The following MROH2A variants were observed in gnomAD, a reference collection of about 807,000 sequenced individuals.
MROH2A encodes maestro heat-like repeat-containing protein family member 2A.
MROH2A carries 174 observed loss-of-function variants against 200.4 expected under a neutral mutation model. The ratio of observed to expected loss-of-function variants is 0.87; its 90% CI spans 0.77 to 0.98. The LOEUF is 0.98. Ranked by LOEUF, MROH2A falls within the 50% of genes least tolerant of loss-of-function variation. The pLI is 0.00. For missense variants in MROH2A, 2,045 were observed against 2,139.6 expected (o/e 0.96, Z 0.87); for synonymous variants, 829 against 840.4 (o/e 0.99, Z 0.23).
intron 24 of MROH2A, among the ~76,000 whole-genome samples, chr2:233,813,336 G>A (rs969638084): frequency 1.3e-5 from 2 of 152,222 alleles, no homozygotes; most frequent in African/African-American, 2.4e-5. Flanking sequence ...CCCTGGACTA[G>A]CACCAGCCAG....
intron 14 of MROH2A, among the ~76,000 whole-genome samples, chr2:233,801,741 G>A (rs1482487963): frequency 2.6e-5 from 4 of 152,184 alleles, no homozygotes; most frequent in African/African-American, 9.7e-5. Context: ...GTGTTTGACT[G>A]AATGACTAGG....
intron 29 of MROH2A, among the ~76,000 whole-genome samples, chr2:233,819,057 G>A (rs1293359771): frequency 6.6e-6 from 1 of 152,254 alleles, no homozygotes; most frequent in Admixed American, 6.5e-5. Flanking sequence ...GAATGATCTG[G>A]ACAGGCCCTG....
At chr2:233,829,524 C>G in intron 37 of MROH2A, 96 bp from the exon 38 acceptor site, 4 of 1,213,724 alleles carry the variant, frequency 3.3e-6, no homozygotes, top group Non-Finnish European at 4.3e-6. Context: ...GAAGGCTCTG[C>G]AGGGACCAAG....
intron 14 of MROH2A, 100 bp downstream of exon 14, chr2:233,800,415 G>C: frequency 1.4e-6 from 1 of 728,338 alleles, no homozygotes; most frequent in Non-Finnish European, 2.2e-6. Flanking sequence ...TTCCGTTCCT[G>C]CTGTCTGGAG....
intron 19 of MROH2A, among the ~76,000 whole-genome samples, chr2:233,805,680 A>C (rs1421433392): frequency 6.6e-6 from 1 of 152,242 alleles, no homozygotes; most frequent in African/African-American, 2.4e-5. Context: ...AAAACTCCTT[A>C]CACAATTGCA....
At chr2:233,821,265 G>A (rs1343294636) in intron 31 of MROH2A, among the ~76,000 whole-genome samples, 1 of 152,140 alleles carries the variant, frequency 6.6e-6, no homozygotes, top group Non-Finnish European at 1.5e-5. Flanking sequence ...GTCATTGTTC[G>A]TAGTTGCTTC....
Position 233,822,955 on chromosome 2 carries a change from A to G in MROH2A, c.3941A>G (p.Gln1314Arg). The G allele has an allele frequency of 6.4e-7, 1 of 1,550,636 alleles. No homozygotes were observed. Among genetic ancestry groups the G allele is most frequent in the Non-Finnish European group, 8.7e-7 (1 of 1,146,992 alleles). ...SQHLAHTLDE[Q>R]AVWDLLQDGG... ...CACCTGGCACATACCCTGGACGAGCAGGCAGTGTGGGACCTCCTGCAGGAC... is the reference window on the plus strand; with the variant it reads ...CACCTGGCACATACCCTGGACGAGCGGGCAGTGTGGGACCTCCTGCAGGAC... The change falls in exon 34 of 42, where the codon CAG becomes CGG. Residue 1314 changes from glutamine (Q) to arginine (R), a missense_variant. Physicochemically the swap from Gln to Arg is conservative, Grantham distance 43. Around this residue, in one of 3 missense-constraint regions of MROH2A, gnomAD observed 1,201 missense variants for 1,311.3 expected, o/e 0.92. Transcript: ENST00000389758.
rs1701701191 is a variant in MROH2A, at chr2:233,790,674, C to CCTT, written c.571+661_571+662insTTC. 1.6e-4 allele frequency among the ~76,000 whole-genome samples: 2 copies of CCTT among 12,312 alleles called. 1 individual carries two copies. Among genetic ancestry groups the CCTT allele is most frequent in the Non-Finnish European group, 2.3e-4 (2 of 8,756 alleles). The allele number at this position is 12,312 out of a possible 152,430, so 8.1% of individuals were successfully genotyped here. A position where few individuals can be genotyped will look rare whatever the true frequency, so the allele number is the denominator to read the frequency against. On this transcript the variant is annotated intron_variant, in intron 5 of 41. Coordinates refer to ENST00000389758, the MANE Select transcript of MROH2A (RefSeq NM_001394639.1). ...CCTCCCCTCCCCTCCCTCCCTCCCT[C>CCTT]CCTTCCTTCCTTCCTTCCTTCCTTC...
At position 233,833,203 on chromosome 2, in the gene MROH2A, G is replaced by A. The variant is rs1195720448; in HGVS notation, c.4969G>A (p.Val1657Ile). 5 of 1,550,370 alleles carry A rather than the reference G, an allele frequency of 3.2e-6. No individual in the cohort carries two copies. Among genetic ancestry groups the A allele is most frequent in the Non-Finnish European group, 4.4e-6 (5 of 1,146,990 alleles). The change falls in exon 42 of 42, where the codon GTC (valine) becomes ATC (isoleucine). Residue 1657 changes from valine to isoleucine, a missense_variant. Transcript: ENST00000389758. ...GAGGGCAGCCCTGGAGACGCTCACA[G>A]TCTTGGATAGCTGTAGTCAGCATGG... ...VRRAALETLT[V>I]LDSCSQHGFL...
intron 11 of MROH2A, 22 bp downstream of exon 11, chr2:233,796,335 G>A (rs1575936822): frequency 1.1e-5 from 4 of 377,940 alleles, no homozygotes; most frequent in East Asian, 7.9e-5. Flanking sequence ...AGGGTGGGTG[G>A]GGTGGGCGGG....
chr2:233,796,988 T>C (rs1029491131), intron 11 of MROH2A, among the ~76,000 whole-genome samples: 4 of 152,218 alleles, frequency 2.6e-5, no homozygotes, highest in African/African-American at 4.8e-5. Context: ...GAGATGATAA[T>C]GGCTAGAGTT....
At chr2:233,781,456 T>C (rs531117862) in intron 3 of MROH2A, among the ~76,000 whole-genome samples, 1 of 152,342 alleles carries the variant, frequency 6.6e-6, no homozygotes, top group East Asian at 1.9e-4. Flanking sequence ...AATATCTCAT[T>C]GTGGTTTTGA....
At chr2:233,791,868 C>T (rs532919480) in intron 5 of MROH2A, among the ~76,000 whole-genome samples, 3 of 152,064 alleles carry the variant, frequency 2.0e-5, no homozygotes, top group Admixed American at 2.0e-4. Flanking sequence ...GAAGGGAAGG[C>T]AGGCCTGGAA....
Position 233,816,776 on chromosome 2 carries a change from C to T in MROH2A, c.2857-5C>T, listed in dbSNP as rs1158137855. 5.2e-6 allele frequency: 8 copies of T among 1,547,710 alleles called. No individual in the cohort carries two copies. Among genetic ancestry groups the T allele is most frequent in the African/African-American group, 1.4e-5 (1 of 73,116 alleles). On this transcript the variant is annotated splice_polypyrimidine_tract_variant and splice_region_variant and intron_variant, in intron 26 of 41. Coordinates refer to ENST00000389758, the MANE Select transcript of MROH2A (RefSeq NM_001394639.1). ...CCACTTTGGTGTTCTGGGCTCTACC[C>T]ATAGCTCCTGGAAAAGTGGATCTTG... is the stretch of plus-strand genomic sequence containing the variant.
chr2:233,790,066 C>T, intron 5 of MROH2A, 52 bp downstream of exon 5: 3 of 1,447,802 alleles, frequency 2.1e-6, no homozygotes, highest in Non-Finnish European at 2.8e-6. Flanking sequence ...CTGGTCTCTG[C>T]CTCTCTCTGC....
At chr2:233,784,282 ATTTC>A (rs1247279396) in intron 3 of MROH2A, among the ~76,000 whole-genome samples, 3 of 151,798 alleles carry the variant, frequency 2.0e-5, no homozygotes, top group East Asian at 3.9e-4. Context: ...TTCCTTCTTA[ATTTC>A]TTTATTGAAC....
chr2:233,787,329 G>T (rs1386420031), intron 3 of MROH2A, among the ~76,000 whole-genome samples: 8 of 150,334 alleles, frequency 5.3e-5, no homozygotes, highest in African/African-American at 1.7e-4. Flanking sequence ...GGGTGATATT[G>T]CCCCCCAGTT....
chr2:233,795,620 G>A, intron 8 of MROH2A, 33 bp from the exon 9 acceptor site: 1 of 1,550,738 alleles, frequency 6.4e-7, no homozygotes, highest in Admixed American at 2.0e-5. Flanking sequence ...GTTGGTAGAA[G>A]GTCACCTGCC....
chr2:233,780,312 A>G (rs1449063028), intron 3 of MROH2A, among the ~76,000 whole-genome samples: 1 of 152,168 alleles, frequency 6.6e-6, no homozygotes. Flanking sequence ...TTTGGACTAG[A>G]CAAGGGTTTG....
Sources: allele counts gnomAD v4.1 joint callset (sites outside exome capture counted in the v4.1 genomes callset), GRCh38; gene constraint gnomAD v4.1.1; regional missense constraint gnomAD v4.1.1; transcripts MANE v1.5; gene names NCBI Gene and HGNC (gene_info 2026-07-23, HGNC 2026-07-21).